Variants in SPOCK3 observed in about 807,000 individuals in gnomAD.
The protein encoded by SPOCK3 is SPARC (osteonectin), cwcv and kazal like domains proteoglycan 3, also known as testican-3.
A neutral mutation model predicts 56.6 loss-of-function variants in SPOCK3; 30 were observed. That is an observed-to-expected ratio of 0.53 (90% CI 0.40 to 0.72). SPOCK3 has a LOEUF of 0.72. Ranked by LOEUF, SPOCK3 falls within the 30% of genes least tolerant of loss-of-function variation. The probability of loss-of-function intolerance (pLI) is 0.00; values close to 1 mark genes in which losing one functional copy is unlikely to be tolerated. For synonymous variants in SPOCK3, 196 were observed against 183.3 expected (o/e 1.07, Z -0.56); for missense variants, 527 against 530.0 (o/e 0.99, Z 0.06).
chr4:166,984,082 C>G (rs1163310164), intron 4 of SPOCK3, among the ~76,000 whole-genome samples: 1 of 151,886 alleles, frequency 6.6e-6, no homozygotes, highest in African/African-American at 2.4e-5. Context: ...TTCTTTAGAC[C>G]ATTATGTTTA....
At chr4:167,024,746 G>T (rs1282701150) in intron 3 of SPOCK3, among the ~76,000 whole-genome samples, 1 of 151,966 alleles carries the variant, frequency 6.6e-6, no homozygotes, top group Non-Finnish European at 1.5e-5. Flanking sequence ...ATTGCGTGCA[G>T]TGTACACTGC....
intron 6 of SPOCK3, among the ~76,000 whole-genome samples, chr4:166,860,391 C>T (rs1012521417): frequency 1.3e-5 from 2 of 151,680 alleles, no homozygotes; most frequent in East Asian, 1.9e-4. Flanking sequence ...TTTTTTACAC[C>T]ACTGTGAGAA....
intron 4 of SPOCK3, among the ~76,000 whole-genome samples, chr4:166,950,043 C>A (rs1049364441): frequency 2.0e-5 from 3 of 149,708 alleles, no homozygotes; most frequent in Non-Finnish European, 2.9e-5. Context: ...AGCAAAATAA[C>A]CAGCTAACTT....
At position 166,821,209 on chromosome 4, in the gene SPOCK3, G is replaced by A. The variant is rs114332260; in HGVS notation, c.590-28920C>T. Among the ~76,000 whole-genome samples the A allele has an allele frequency of 3.2e-3, 492 of 152,042 alleles. 2 individuals are homozygous for A. The highest frequency in any genetic ancestry group is 4.8e-3 in the Non-Finnish European group (323 of 67,944). ...TATGCAAATTTCTGATAAGCACATGGAAAGATGCTCAACATCATTAGTCAC... is the reference window on the plus strand; with the variant it reads ...TATGCAAATTTCTGATAAGCACATGAAAAGATGCTCAACATCATTAGTCAC... On this transcript the variant is annotated intron_variant, in intron 6 of 10. Transcript: ENST00000357545.
intron 2 of SPOCK3, among the ~76,000 whole-genome samples, chr4:167,135,092 T>C (rs1298549359): frequency 1.3e-5 from 2 of 149,706 alleles, no homozygotes; most frequent in Non-Finnish European, 3.0e-5. Flanking sequence ...ATATAAAATA[T>C]GTGTTTAATA....
chr4:166,741,199 T>C (rs1474568986), intron 9 of SPOCK3, among the ~76,000 whole-genome samples: 2 of 152,102 alleles, frequency 1.3e-5, no homozygotes, highest in East Asian at 1.9e-4. Context: ...AAAAGAACAG[T>C]GGCAAAACTG....
intron 2 of SPOCK3, among the ~76,000 whole-genome samples, chr4:167,204,307 G>C (rs1439975167): frequency 6.6e-6 from 1 of 152,050 alleles, no homozygotes; most frequent in African/African-American, 2.4e-5. Context: ...GTATTAGTCT[G>C]TTCTCACACT....
rs577367670 is a variant in SPOCK3, at chr4:166,834,730, A to G, written c.590-42441T>C. ...AAATGAATCCCGTTTCCCAAAATAT[A>G]TATGACCACAGAATTCTATATTTTG... On this transcript the variant is annotated intron_variant, in intron 6 of 10. Transcript: ENST00000357545. Among the ~76,000 whole-genome samples the G allele has an allele frequency of 1.9e-4, 29 of 152,340 alleles. 1 individual carries two copies. The highest frequency in any genetic ancestry group is 6.7e-4 in the African/African-American group (28 of 41,598).
chr4:166,858,833 C>A (rs567472754), intron 6 of SPOCK3, among the ~76,000 whole-genome samples: 1 of 152,212 alleles, frequency 6.6e-6, no homozygotes, highest in East Asian at 1.9e-4. Flanking sequence ...GGGCTCTTTT[C>A]ATTGTGAGCA....
At chr4:167,132,609 G>A (rs979251746) in intron 2 of SPOCK3, among the ~76,000 whole-genome samples, 1 of 152,158 alleles carries the variant, frequency 6.6e-6, no homozygotes, top group Non-Finnish European at 1.5e-5. Flanking sequence ...CCAAAGGCTA[G>A]GTGGCTTGAA....
intron 2 of SPOCK3, among the ~76,000 whole-genome samples, chr4:167,214,668 C>T (rs1019064186): frequency 2.0e-5 from 3 of 152,046 alleles, no homozygotes; most frequent in Admixed American, 6.6e-5. Flanking sequence ...TGTAATTTTA[C>T]ACACAGAGAA....
intron 2 of SPOCK3, among the ~76,000 whole-genome samples, chr4:167,170,800 G>C (rs17053053): frequency 0.011 from 1,747 of 152,262 alleles, 9 homozygotes; most frequent in African/African-American, 0.013. Context: ...TCAGAATGTG[G>C]AGGTGTTAGA....
chr4:166,967,427 C>T (rs995054612), intron 4 of SPOCK3, among the ~76,000 whole-genome samples: 1 of 152,058 alleles, frequency 6.6e-6, no homozygotes, highest in Admixed American at 6.6e-5. Flanking sequence ...GGGGAGGGAC[C>T]TGGTGATTGG....
intron 4 of SPOCK3, among the ~76,000 whole-genome samples, 161 bp from the exon 5 acceptor site, chr4:166,912,904 A>G (rs1394678550): frequency 1.3e-5 from 2 of 152,194 alleles, no homozygotes; most frequent in Non-Finnish European, 2.9e-5. Context: ...CATATTTTTC[A>G]TTATAATCTT....
intron 4 of SPOCK3, among the ~76,000 whole-genome samples, chr4:166,919,032 A>G (rs558155022): frequency 6.6e-6 from 1 of 152,234 alleles, no homozygotes; most frequent in Non-Finnish European, 1.5e-5. Context: ...CACCAGAAGC[A>G]GATGCTGGCA....
chr4:166,983,602 T>C (rs1425519694), intron 4 of SPOCK3, among the ~76,000 whole-genome samples: 2 of 152,104 alleles, frequency 1.3e-5, no homozygotes, highest in South Asian at 2.1e-4. Flanking sequence ...TTAGCGTATA[T>C]TTTTCAATAG....
intron 6 of SPOCK3, among the ~76,000 whole-genome samples, chr4:166,877,426 A>T (rs981354446): frequency 2.0e-5 from 3 of 152,182 alleles, no homozygotes; most frequent in African/African-American, 7.2e-5. Flanking sequence ...GTTCCATTAC[A>T]GAAAATAAAA....
chr4:166,962,126 C>A (rs1381730730), intron 4 of SPOCK3, among the ~76,000 whole-genome samples: 1 of 152,084 alleles, frequency 6.6e-6, no homozygotes, highest in Non-Finnish European at 1.5e-5. Context: ...CATTTAAGGA[C>A]CCTTATGATT....
chr4:167,161,584 C>T (rs371248485), intron 2 of SPOCK3, among the ~76,000 whole-genome samples: 9 of 152,158 alleles, frequency 5.9e-5, no homozygotes, highest in South Asian at 2.1e-4. Context: ...TAAAGGCACA[C>T]GCTCACGTAT....
Sources: gnomAD v4.1 joint callset for allele counts (sites outside exome capture counted in the v4.1 genomes callset) on GRCh38, gnomAD v4.1.1 for gene constraint, MANE v1.5 for transcripts, NCBI Gene and HGNC (gene_info 2026-07-23, HGNC 2026-07-21) for gene names.